The following LYPD6 variants were observed in gnomAD, a reference collection of about 807,000 sequenced individuals.
LYPD6 encodes the protein LY6/PLAUR domain containing 6.
In LYPD6, 15 loss-of-function variants were observed where a neutral mutation model predicts 22.7. That is an observed-to-expected ratio of 0.66 (90% CI 0.44 to 1.02). LYPD6 has a LOEUF of 1.02. LYPD6 is among the 50% of genes least tolerant of loss of function. LYPD6 has a pLI of 0.00. For synonymous variants in LYPD6, 72 were observed against 77.5 expected (o/e 0.93, Z 0.37); for missense variants, 189 against 208.4 (o/e 0.91, Z 0.57).
At chr2:149,410,260 G>A (rs1682823093) in intron 1 of LYPD6, among the ~76,000 whole-genome samples, 2 of 152,070 alleles carry the variant, frequency 1.3e-5, no homozygotes, top group South Asian at 4.2e-4. Context: ...ACGTTTGTAA[G>A]TGCATCTGTT....
At chr2:149,332,737 C>T (rs137945123) in intron 1 of LYPD6, among the ~76,000 whole-genome samples, 1,526 of 152,226 alleles carry the variant, frequency 0.01, 15 homozygotes, top group Non-Finnish European at 0.015. Flanking sequence ...TACTGTTTAA[C>T]CCATAGCTTG....
At chr2:149,467,888 T>C (rs961450979) in intron 3 of LYPD6, among the ~76,000 whole-genome samples, 4 of 152,212 alleles carry the variant, frequency 2.6e-5, no homozygotes, top group Admixed American at 1.3e-4. Flanking sequence ...CAAAGAATTT[T>C]GGAAGAGATC....
At chr2:149,416,204 ATCT>A (rs752640781) in intron 1 of LYPD6, among the ~76,000 whole-genome samples, 1 of 152,134 alleles carries the variant, frequency 6.6e-6, no homozygotes, top group South Asian at 2.1e-4. Context: ...GTGGGTACTC[ATCT>A]TCTCCTTCCT....
chr2:149,448,282 A>G (rs898291351), intron 2 of LYPD6, among the ~76,000 whole-genome samples: 1 of 152,220 alleles, frequency 6.6e-6, no homozygotes, highest in African/African-American at 2.4e-5. Context: ...AACGAGAGTG[A>G]AACTCAGAAA....
chr2:149,344,317 C>G (rs570940493), intron 1 of LYPD6, among the ~76,000 whole-genome samples: 1 of 152,278 alleles, frequency 6.6e-6, no homozygotes, highest in East Asian at 1.9e-4. Context: ...AAGCTATGCA[C>G]TTTTCCCTTT....
chr2:149,343,424 G>A (rs1681198995), intron 1 of LYPD6, among the ~76,000 whole-genome samples: 1 of 152,136 alleles, frequency 6.6e-6, no homozygotes, highest in African/African-American at 2.4e-5. Context: ...ACATCCATCT[G>A]CCTTAAATTA....
At chr2:149,402,233 CGTGTGTGT>C (rs146124855) in intron 1 of LYPD6, among the ~76,000 whole-genome samples, 2 of 145,572 alleles carry the variant, frequency 1.4e-5, no homozygotes, top group Non-Finnish European at 3.0e-5. Flanking sequence ...TGTGTGTTTG[CGTGTGTGT>C]GTGTGTGTGT....
intron 1 of LYPD6, among the ~76,000 whole-genome samples, chr2:149,387,380 A>T (rs186122553): frequency 3.3e-5 from 5 of 152,344 alleles, no homozygotes; most frequent in African/African-American, 1.2e-4. Context: ...TCCAGGTGGA[A>T]AGAAGCAAAC....
chr2:149,473,228 A>G lies in LYPD6; in HGVS notation c.*2378A>G, dbSNP rs559965355. On this transcript the variant is annotated 3_prime_UTR_variant, in exon 5 of 5. Coordinates refer to ENST00000334166, the MANE Select transcript of LYPD6 (RefSeq NM_194317.5). ...GCTGGTGTAGAGGGATCAGGTCCAC[A>G]GTGGTGCAGATTCAACCACCACCCA... The G allele has an allele frequency of 6.5e-6, 1 of 152,762 alleles. No individual in the cohort carries two copies. The highest frequency in any genetic ancestry group is 2.1e-4 in the South Asian group (1 of 4,826). The allele number at this position is 152,762 out of a possible 1,614,324, so 9.5% of individuals were successfully genotyped here.
rs184493995 is a variant in LYPD6, at chr2:149,354,329, T to C, written c.-72+23607T>C. On this transcript the variant is annotated intron_variant, in intron 1 of 4. Transcript: ENST00000334166. ...TTGAAGCAATTCTCCTGCCTCAGCC[T>C]CCTGAGTAGCTGGGATTACAGGTGC... Among the ~76,000 whole-genome samples the C allele has an allele frequency of 7.9e-5, 12 of 152,238 alleles. No homozygotes were observed. In the East Asian group the frequency reaches 2.3e-3, roughly 29 times the overall value.
At chr2:149,373,796 A>G (rs1681861740) in intron 1 of LYPD6, among the ~76,000 whole-genome samples, 1 of 152,240 alleles carries the variant, frequency 6.6e-6, no homozygotes, top group Non-Finnish European at 1.5e-5. Context: ...TGTATTCAAA[A>G]TATCAATCCT....
intron 1 of LYPD6, among the ~76,000 whole-genome samples, chr2:149,372,142 C>T (rs1390960376): frequency 6.6e-6 from 1 of 152,088 alleles, no homozygotes; most frequent in African/African-American, 2.4e-5. Context: ...ATTTGTCAGC[C>T]TTCTTCCTGG....
intron 1 of LYPD6, among the ~76,000 whole-genome samples, chr2:149,360,939 T>G (rs897557248): frequency 1.3e-5 from 2 of 152,218 alleles, no homozygotes; most frequent in African/African-American, 4.8e-5. Context: ...CACCTCAGTT[T>G]GAGCACACAT....
chr2:149,335,637 A>G (rs1045364546), intron 1 of LYPD6, among the ~76,000 whole-genome samples: 1 of 152,208 alleles, frequency 6.6e-6, no homozygotes, highest in African/African-American at 2.4e-5. Flanking sequence ...CTCAGCCTTC[A>G]CTTCTACTTC....
intron 2 of LYPD6, among the ~76,000 whole-genome samples, chr2:149,447,073 A>C (rs1000295413): frequency 2.6e-5 from 4 of 152,230 alleles, no homozygotes; most frequent in African/African-American, 9.6e-5. Context: ...GCAGCTTTCA[A>C]ATAGGCCAGG....
At chr2:149,440,933 C>T (rs1683553245) in intron 2 of LYPD6, among the ~76,000 whole-genome samples, 1 of 151,922 alleles carries the variant, frequency 6.6e-6, no homozygotes, top group Admixed American at 6.6e-5. Context: ...TCTCCATCTC[C>T]TGACCTTGTG....
intron 1 of LYPD6, among the ~76,000 whole-genome samples, chr2:149,424,668 G>C (rs1683153787): frequency 6.6e-6 from 1 of 152,186 alleles, no homozygotes; most frequent in South Asian, 2.1e-4. Context: ...CTTCAGTAGT[G>C]AATTGAAGGA....
chr2:149,363,869 G>A (rs74722269), intron 1 of LYPD6, among the ~76,000 whole-genome samples: 12 of 152,180 alleles, frequency 7.9e-5, no homozygotes, highest in Admixed American at 3.3e-4. Context: ...ATAATATTTG[G>A]TAAATGCATT....
intron 1 of LYPD6, among the ~76,000 whole-genome samples, chr2:149,334,941 C>T (rs1346055708): frequency 2.5e-4 from 38 of 151,978 alleles, no homozygotes; most frequent in Non-Finnish European, 4.7e-4. Flanking sequence ...GTGGTGATGT[C>T]GTGGCACAAC....
Sources: allele counts gnomAD v4.1 joint callset (sites outside exome capture counted in the v4.1 genomes callset), GRCh38; gene constraint gnomAD v4.1.1; transcripts MANE v1.5; gene names NCBI Gene and HGNC (gene_info 2026-07-23, HGNC 2026-07-21).